ATP8B4: variants seen among roughly 807,000 people sequenced by gnomAD.
ATP8B4 encodes probable phospholipid-transporting ATPase IM.
Under a neutral mutation model 145.6 loss-of-function variants are expected in ATP8B4, and 133 were observed. That is an observed-to-expected ratio of 0.91 (90% confidence interval 0.79 to 1.05). The LOEUF is 1.05. ATP8B4 is among the 50% of genes least tolerant of loss of function. ATP8B4 has a pLI of 0.00. For synonymous variants in ATP8B4, 507 were observed against 492.9 expected (o/e 1.03, Z -0.38); for missense variants, 1,458 against 1,425.2 (o/e 1.02, Z -0.37).
At chr15:49,936,138 T>C (rs1420279552) in intron 14 of ATP8B4, among the ~76,000 whole-genome samples, 1 of 152,196 alleles carries the variant, frequency 6.6e-6, no homozygotes, top group African/African-American at 2.4e-5. Flanking sequence ...CTTTGAACTA[T>C]GGTTCACAGC....
At chr15:49,933,061 T>G (rs899961805) in intron 15 of ATP8B4, among the ~76,000 whole-genome samples, 3 of 152,054 alleles carry the variant, frequency 2.0e-5, no homozygotes, top group Non-Finnish European at 2.9e-5. Flanking sequence ...GAAGCAAATG[T>G]AAATCCTTTC....
chr15:50,128,901 C>T (rs2057325206), intron 1 of ATP8B4, among the ~76,000 whole-genome samples: 1 of 152,070 alleles, frequency 6.6e-6, no homozygotes, highest in Admixed American at 6.6e-5. Flanking sequence ...AACCCTGTCT[C>T]TACTAAAAAT....
intron 2 of ATP8B4, among the ~76,000 whole-genome samples, chr15:50,091,691 C>A (rs979826361): frequency 1.3e-5 from 2 of 152,070 alleles, no homozygotes; most frequent in Non-Finnish European, 2.9e-5. Flanking sequence ...TGACCATTTT[C>A]TTATTCAACT....
chr15:50,140,679 T>C (rs2044194383), intron 1 of ATP8B4, among the ~76,000 whole-genome samples: 1 of 152,116 alleles, frequency 6.6e-6, no homozygotes. Context: ...TAACACACCA[T>C]GCTTCTCTGG....
intron 14 of ATP8B4, among the ~76,000 whole-genome samples, chr15:49,953,804 G>C (rs2043309784): frequency 6.6e-6 from 1 of 152,224 alleles, no homozygotes; most frequent in Admixed American, 6.5e-5. Flanking sequence ...TGGGATGCTA[G>C]ACTTTGGTGG....
At chr15:49,921,038 G>A (rs1478775800) in intron 17 of ATP8B4, among the ~76,000 whole-genome samples, 1 of 152,090 alleles carries the variant, frequency 6.6e-6, no homozygotes, top group Non-Finnish European at 1.5e-5. Flanking sequence ...TAAATAGTCA[G>A]ATATTAGAAG....
At chr15:49,862,188 A>G (rs2031945672) in intron 27 of ATP8B4, 57 bp downstream of exon 27, 3 of 1,573,112 alleles carry the variant, frequency 1.9e-6, no homozygotes, top group African/African-American at 1.4e-5. Flanking sequence ...GCAGAAAAGG[A>G]CACCATTTCA....
chr15:50,176,102 G>C (rs1396043427), intron 1 of ATP8B4, among the ~76,000 whole-genome samples: 1 of 149,272 alleles, frequency 6.7e-6, no homozygotes, highest in Non-Finnish European at 1.5e-5. Flanking sequence ...TATATAGTGT[G>C]TATATATATA....
chr15:50,025,285 C>T (rs1474428920), intron 6 of ATP8B4, among the ~76,000 whole-genome samples: 2 of 152,180 alleles, frequency 1.3e-5, no homozygotes, highest in African/African-American at 4.8e-5. Context: ...CAAACCCTTC[C>T]ACACAATCTC....
intron 14 of ATP8B4, among the ~76,000 whole-genome samples, chr15:49,958,705 A>G (rs2043803806): frequency 6.6e-6 from 1 of 151,924 alleles, no homozygotes; most frequent in Non-Finnish European, 1.5e-5. Context: ...AGAGCTTGCA[A>G]ATAAATGTGA....
intron 3 of ATP8B4, among the ~76,000 whole-genome samples, chr15:50,073,056 T>G (rs1418127022): frequency 7.7e-6 from 1 of 129,354 alleles, no homozygotes; most frequent in African/African-American, 3.0e-5. Context: ...ACACACACTA[T>G]ACATATACGC....
chr15:49,972,304 A>G (rs1375692281), intron 13 of ATP8B4, among the ~76,000 whole-genome samples: 1 of 152,150 alleles, frequency 6.6e-6, no homozygotes, highest in East Asian at 1.9e-4. Flanking sequence ...GAGCACTGAA[A>G]CGAACTTCAG....
intron 25 of ATP8B4, among the ~76,000 whole-genome samples, chr15:49,870,106 G>A (rs1005569416): frequency 1.7e-4 from 26 of 152,082 alleles, no homozygotes; most frequent in Admixed American, 1.4e-3. Flanking sequence ...GAAACATCTT[G>A]TATGTTTATC....
intron 17 of ATP8B4, among the ~76,000 whole-genome samples, chr15:49,921,814 G>A (rs368268311): frequency 9.9e-5 from 15 of 152,166 alleles, no homozygotes; most frequent in African/African-American, 3.4e-4. Flanking sequence ...GTAGCACTTC[G>A]GATATTGGAA....
In ATP8B4 at chr15:49,897,382, C is replaced by A; in HGVS notation, c.2607G>T (p.Met869Ile). ...AGAAGAAATAGCATAAGAATTTGCA[C>A]ATTCGGAAATAAGACCACCTTCCAT... is the stretch of plus-strand genomic sequence containing the variant. ...LVHGRWSYFR[M>I]CKFLCYFFYK... Residue 869 changes from methionine to isoleucine, a missense_variant, in exon 23 of 28, where the codon ATG (methionine) becomes ATT (isoleucine). Met to Ile is a conservative substitution (Grantham distance 10). Transcript: ENST00000284509. The A allele has an allele frequency of 6.2e-7, 1 of 1,613,926 alleles. No homozygotes were observed. Among genetic ancestry groups the A allele is most frequent in the Admixed American group, 1.7e-5 (1 of 60,010 alleles).
chr15:50,029,255 A>AAAAAAAAAAAAAAAAAAC (rs776952913), intron 6 of ATP8B4, among the ~76,000 whole-genome samples: 3 of 141,158 alleles, frequency 2.1e-5, no homozygotes, highest in Non-Finnish European at 4.8e-5. Flanking sequence ...AAAAAAAAAA[A>AAAAAAAAAAAAAAAAAAC]AACAGAAAAA....
chr15:50,179,483 C>T (rs1305684485), intron 1 of ATP8B4, among the ~76,000 whole-genome samples: 1 of 152,112 alleles, frequency 6.6e-6, no homozygotes, highest in African/African-American at 2.4e-5. Flanking sequence ...TGGGGAACCA[C>T]TAAAGATAAT....
intron 2 of ATP8B4, among the ~76,000 whole-genome samples, chr15:50,098,643 A>G (rs573846892): frequency 6.6e-6 from 1 of 152,106 alleles, no homozygotes; most frequent in Admixed American, 6.5e-5. Context: ...CTCCCACTAA[A>G]AGCATATTTA....
chr15:50,132,015 T>G (rs1756446916), intron 1 of ATP8B4, among the ~76,000 whole-genome samples: 1 of 146,616 alleles, frequency 6.8e-6, no homozygotes, highest in African/African-American at 2.5e-5. Flanking sequence ...TTAAAGGTAA[T>G]GCCAAAGGCC....
Sources: allele counts gnomAD v4.1 joint callset (sites outside exome capture counted in the v4.1 genomes callset), GRCh38; gene constraint gnomAD v4.1.1; transcripts MANE v1.5; gene names NCBI Gene and HGNC (gene_info 2026-07-23, HGNC 2026-07-21).